THSD7A: variants seen among roughly 807,000 people sequenced by gnomAD.
THSD7A encodes the protein thrombospondin type-1 domain-containing protein 7A.
Under a neutral mutation model 231.3 loss-of-function variants are expected in THSD7A, and 96 were observed. The observed-to-expected ratio is 0.41, with a 90% CI of 0.35 to 0.49. THSD7A has a LOEUF of 0.49. Ranked by LOEUF, THSD7A falls within the 20% of genes least tolerant of loss-of-function variation. THSD7A has a pLI of 0.05. For synonymous variants in THSD7A, 940 were observed against 743.3 expected, an observed-to-expected ratio of 1.26 and a Z score of -4.30; for missense variants, 2,290 against 2,070.2, an observed-to-expected ratio of 1.11 and a Z score of -2.06.
intron 16 of THSD7A, 106 bp from the exon 17 acceptor site, chr7:11,417,709 A>C: frequency 8.5e-7 from 1 of 1,176,546 alleles, no homozygotes; most frequent in Non-Finnish European, 1.2e-6. Context: ...GTTCTCCTTA[A>C]GACATCGTTA....
At chr7:11,779,507 C>A (rs1316083194) in intron 1 of THSD7A, among the ~76,000 whole-genome samples, 2 of 152,174 alleles carry the variant, frequency 1.3e-5, no homozygotes, top group Non-Finnish European at 2.9e-5. Context: ...ATATTCTTCA[C>A]CCATATGTTT....
chr7:11,714,928 TA>T (rs1481326364), intron 1 of THSD7A, among the ~76,000 whole-genome samples: 1 of 151,328 alleles, frequency 6.6e-6, no homozygotes, highest in Non-Finnish European at 1.5e-5. Flanking sequence ...AATAATCAAA[TA>T]AAAAAGAAGG....
chr7:11,534,562 G>T (rs1463774348), intron 6 of THSD7A, among the ~76,000 whole-genome samples: 1 of 152,132 alleles, frequency 6.6e-6, no homozygotes, highest in African/African-American at 2.4e-5. Context: ...GAGAGCTCAG[G>T]TGAAACCTTA....
chr7:11,567,268 C>CA (rs1408394021), intron 4 of THSD7A, among the ~76,000 whole-genome samples: 1 of 152,028 alleles, frequency 6.6e-6, no homozygotes, highest in East Asian at 1.9e-4. Context: ...GACACTTCCC[C>CA]CTCAAGGCAG....
chr7:11,571,101 C>T (rs768706666), intron 4 of THSD7A, among the ~76,000 whole-genome samples: 5 of 152,036 alleles, frequency 3.3e-5, no homozygotes, highest in Non-Finnish European at 7.3e-5. Flanking sequence ...GTTGGGAGGA[C>T]ACATCAGTTG....
At position 11,632,745 on chromosome 7, in the gene THSD7A, T is replaced by A. The variant is rs1229878218; in HGVS notation, c.1022+3385A>T. Among the ~76,000 whole-genome samples, 1 of 152,204 alleles carries A rather than the reference T, an allele frequency of 6.6e-6. No individual in the cohort carries two copies. The highest frequency in any genetic ancestry group is 1.5e-5 in the Non-Finnish European group (1 of 68,024). On this transcript the variant is annotated intron_variant, in intron 2 of 27. Transcript: ENST00000423059. The surrounding 1 kb of genome is among the most constrained non-coding windows in gnomAD (Gnocchi z 4.1). ...ACCTATCTCTCTCCATAAAAGTTGA[T>A]CTATATTAGTTCTCCCATTAGGTCA...
chr7:11,399,696 C>G (rs1272911155), intron 23 of THSD7A, among the ~76,000 whole-genome samples: 3 of 152,142 alleles, frequency 2.0e-5, no homozygotes, highest in Non-Finnish European at 4.4e-5. Context: ...AATAGGAACA[C>G]TTTTACACTG....
chr7:11,781,017 A>T (rs1389223133), intron 1 of THSD7A, among the ~76,000 whole-genome samples: 12 of 140,058 alleles, frequency 8.6e-5, no homozygotes, highest in African/African-American at 2.7e-4. Flanking sequence ...AAAAAAAAAA[A>T]AAAAAAAAAA....
intron 6 of THSD7A, among the ~76,000 whole-genome samples, chr7:11,518,356 T>C (rs1447403174): frequency 1.3e-5 from 2 of 152,078 alleles, no homozygotes; most frequent in African/African-American, 2.4e-5. Context: ...GACTGTTCAA[T>C]TTGGCTTTAA....
chr7:11,583,108 T>C (rs1791239188), intron 4 of THSD7A, among the ~76,000 whole-genome samples: 2 of 152,136 alleles, frequency 1.3e-5, no homozygotes, highest in Admixed American at 1.3e-4. Flanking sequence ...AACTCTTTAG[T>C]TCAATCTGTC....
chr7:11,567,630 C>A (rs771107613), intron 4 of THSD7A, among the ~76,000 whole-genome samples: 1 of 152,088 alleles, frequency 6.6e-6, no homozygotes, highest in Non-Finnish European at 1.5e-5. Flanking sequence ...GATTTCTCAC[C>A]CTGACATCTG....
chr7:11,602,432 T>G (rs1462004658), intron 2 of THSD7A, among the ~76,000 whole-genome samples: 1 of 152,048 alleles, frequency 6.6e-6, no homozygotes, highest in Non-Finnish European at 1.5e-5. Flanking sequence ...ATTACAGCAA[T>G]TAAGTTGGAA....
intron 4 of THSD7A, among the ~76,000 whole-genome samples, chr7:11,557,023 C>A (rs1789875381): frequency 6.6e-6 from 1 of 151,962 alleles, no homozygotes. Context: ...AAGTGTTCAG[C>A]CATTATTTCT....
At chr7:11,392,236 C>G (rs1055694301) in intron 23 of THSD7A, among the ~76,000 whole-genome samples, 2 of 151,820 alleles carry the variant, frequency 1.3e-5, no homozygotes, top group African/African-American at 4.8e-5. Flanking sequence ...AAGTGCAGCC[C>G]ATGGAGGGTG....
chr7:11,555,394 T>C (rs1257818643), intron 4 of THSD7A, among the ~76,000 whole-genome samples: 1 of 151,998 alleles, frequency 6.6e-6, no homozygotes, highest in Admixed American at 6.6e-5. Context: ...ACTCCTATCT[T>C]TTTTGATTGA....
intron 1 of THSD7A, among the ~76,000 whole-genome samples, chr7:11,818,260 C>T (rs1784770615): frequency 6.6e-6 from 1 of 152,180 alleles, no homozygotes; most frequent in Non-Finnish European, 1.5e-5. Flanking sequence ...CTGTATTGGC[C>T]ACATACCATA....
At chr7:11,550,481 T>C (rs1166793118) in intron 4 of THSD7A, among the ~76,000 whole-genome samples, 1 of 152,120 alleles carries the variant, frequency 6.6e-6, no homozygotes, top group Non-Finnish European at 1.5e-5. Context: ...ATGGGGGCAC[T>C]TCCCCCATGC....
rs1044654271 is a variant in THSD7A at position 11,444,242 on chromosome 7, C to T, written c.3064+1819G>A. On this transcript the variant is annotated intron_variant, in intron 13 of 27. Coordinates refer to ENST00000423059, the MANE Select transcript of THSD7A (RefSeq NM_015204.3). The surrounding 1 kb of genome is among the most constrained non-coding windows in gnomAD (Gnocchi z 4.2). ...TCAACCATTGTGGAAGACAGTGTGG[C>T]GATTCCTCAAGGATCTAGAACCAGA... is the stretch of plus-strand genomic sequence containing the variant. 1.3e-5 allele frequency among the ~76,000 whole-genome samples: 2 copies of T among 152,000 alleles called. No individual in the cohort carries two copies. Among genetic ancestry groups the T allele is most frequent in the Non-Finnish European group, 2.9e-5 (2 of 67,990 alleles).
intron 1 of THSD7A, among the ~76,000 whole-genome samples, chr7:11,730,081 G>A (rs549266367): frequency 6.6e-6 from 1 of 151,656 alleles, no homozygotes; most frequent in African/African-American, 2.4e-5. Flanking sequence ...AACAAGAATG[G>A]AGAATGAGAA....
Sources: allele counts gnomAD v4.1 joint callset (sites outside exome capture counted in the v4.1 genomes callset), GRCh38; gene constraint gnomAD v4.1.1; non-coding constraint Gnocchi (gnomAD v3.1); transcripts MANE v1.5; gene names NCBI Gene and HGNC (gene_info 2026-07-23, HGNC 2026-07-21).